PHACTR1: variants seen among roughly 807,000 people sequenced by gnomAD.
The protein encoded by PHACTR1 is phosphatase and actin regulator 1.
Under a neutral mutation model 69.2 loss-of-function variants are expected in PHACTR1, and 16 were observed. That is an observed-to-expected ratio of 0.23 (90% CI 0.16 to 0.35). PHACTR1 has a LOEUF of 0.35. Ranked by LOEUF, PHACTR1 falls within the 10% of genes least tolerant of loss-of-function variation. PHACTR1 has a pLI of 1.00. For missense variants in PHACTR1, 510 were observed against 734.7 expected (o/e 0.69, Z 3.54); for synonymous variants, 312 against 284.5 (o/e 1.10, Z -0.97).
intron 4 of PHACTR1, among the ~76,000 whole-genome samples, chr6:12,782,522 G>T (rs2127645880): frequency 6.6e-6 from 1 of 152,230 alleles, no homozygotes; most frequent in Non-Finnish European, 1.5e-5. Flanking sequence ...TAGAAATATT[G>T]GCTGGAAAAT....
chr6:12,975,447 T>G (rs1489326875), intron 4 of PHACTR1, among the ~76,000 whole-genome samples: 2 of 152,230 alleles, frequency 1.3e-5, no homozygotes, highest in Non-Finnish European at 2.9e-5. Context: ...TGAATTTTTT[T>G]CTCTATATCC....
At chr6:12,803,576 C>A (rs1581823519) in intron 4 of PHACTR1, among the ~76,000 whole-genome samples, 1 of 152,330 alleles carries the variant, frequency 6.6e-6, no homozygotes, top group Admixed American at 6.5e-5. Context: ...ATAAATAGGA[C>A]AAAGAAACAT....
chr6:13,233,521 A>G (rs12661071), intron 10 of PHACTR1, among the ~76,000 whole-genome samples: 18,166 of 152,206 alleles, frequency 0.12, 1,537 homozygotes, highest in Admixed American at 0.24. Context: ...GAAACTTACA[A>G]TCATGGCAGA....
intron 3 of PHACTR1, among the ~76,000 whole-genome samples, chr6:12,740,680 T>C (rs2127584445): frequency 6.6e-6 from 1 of 152,268 alleles, no homozygotes; most frequent in African/African-American, 2.4e-5. Flanking sequence ...CTTCTCCCAG[T>C]CTGTGGCCTG....
chr6:13,160,443 A>G (rs1758824284), intron 6 of PHACTR1, among the ~76,000 whole-genome samples, 159 bp downstream of exon 6: 1 of 152,234 alleles, frequency 6.6e-6, no homozygotes, highest in Non-Finnish European at 1.5e-5. Context: ...AACATAGCAG[A>G]CAGTGCTGAA....
chr6:12,943,193 AAAG>A (rs1186788976), intron 4 of PHACTR1, among the ~76,000 whole-genome samples: 2 of 152,212 alleles, frequency 1.3e-5, no homozygotes, highest in Non-Finnish European at 2.9e-5. Context: ...TCAGCCATAG[AAAG>A]AAAGAAAGTA....
intron 4 of PHACTR1, among the ~76,000 whole-genome samples, chr6:13,019,170 C>G (rs969467181): frequency 6.6e-6 from 1 of 151,892 alleles, no homozygotes; most frequent in Non-Finnish European, 1.5e-5. Flanking sequence ...ACCTCAGCCT[C>G]CCAAAGTGCT....
intron 10 of PHACTR1, among the ~76,000 whole-genome samples, chr6:13,256,449 G>T (rs183745752): frequency 6.6e-6 from 1 of 152,316 alleles, no homozygotes; most frequent in Non-Finnish European, 1.5e-5. Flanking sequence ...CCCTGAAAAT[G>T]GGCTTTTCTT....
chr6:12,857,884 G>A (rs1010108901), intron 4 of PHACTR1, among the ~76,000 whole-genome samples: 1 of 152,152 alleles, frequency 6.6e-6, no homozygotes, highest in Non-Finnish European at 1.5e-5. Context: ...GTAGTCACAA[G>A]ATCTGGGTTT....
At chr6:13,239,252 A>G (rs1772467898) in intron 10 of PHACTR1, among the ~76,000 whole-genome samples, 1 of 152,230 alleles carries the variant, frequency 6.6e-6, no homozygotes, top group Non-Finnish European at 1.5e-5. Flanking sequence ...GTGTGTTGGG[A>G]GCAAGTCAGG....
intron 4 of PHACTR1, among the ~76,000 whole-genome samples, chr6:13,032,632 T>C (rs1263543482): frequency 1.3e-5 from 2 of 152,156 alleles, no homozygotes; most frequent in African/African-American, 4.8e-5. Flanking sequence ...ATTTTTTTTT[T>C]TTTGACATGG....
intron 4 of PHACTR1, among the ~76,000 whole-genome samples, chr6:12,773,393 A>G (rs1248385988): frequency 1.3e-5 from 2 of 152,152 alleles, no homozygotes; most frequent in Non-Finnish European, 2.9e-5. Context: ...TATTTCCCCA[A>G]TTAACTTCCA....
chr6:13,009,262 A>C (rs1258510998), intron 4 of PHACTR1, among the ~76,000 whole-genome samples: 1 of 152,202 alleles, frequency 6.6e-6, no homozygotes, highest in East Asian at 1.9e-4. Context: ...CACATGTTCC[A>C]GGTGGGAGAG....
At chr6:12,744,675 T>C (rs1765542237) in intron 3 of PHACTR1, among the ~76,000 whole-genome samples, 1 of 152,154 alleles carries the variant, frequency 6.6e-6, no homozygotes, top group Non-Finnish European at 1.5e-5. Context: ...AGCAAGTTTA[T>C]TAAGAATCCA....
intron 5 of PHACTR1, among the ~76,000 whole-genome samples, chr6:13,130,072 A>G (rs1820171369): frequency 6.6e-6 from 1 of 152,182 alleles, no homozygotes; most frequent in Admixed American, 6.5e-5. Context: ...CAACAATGAA[A>G]TCAAGATGGA....
intron 4 of PHACTR1, among the ~76,000 whole-genome samples, chr6:12,927,947 C>T (rs1217827830): frequency 6.6e-5 from 10 of 152,202 alleles, no homozygotes; most frequent in East Asian, 5.8e-4. Flanking sequence ...GATTGCTGAC[C>T]GTGGGTGTCT....
chr6:12,718,875 C>T, intron 3 of PHACTR1, 28 bp downstream of exon 3: 1 of 1,415,938 alleles, frequency 7.1e-7, no homozygotes, highest in Non-Finnish European at 9.7e-7. Context: ...AGAAATTCCT[C>T]TTATTTGCAC....
intron 4 of PHACTR1, among the ~76,000 whole-genome samples, chr6:12,790,641 G>T (rs560000791): frequency 6.6e-6 from 1 of 152,346 alleles, no homozygotes; most frequent in East Asian, 1.9e-4. Context: ...GGTGAATGGA[G>T]AGAGACTGAT....
chr6:12,925,981 A>G (rs115227950), intron 4 of PHACTR1, among the ~76,000 whole-genome samples: 1,991 of 152,162 alleles, frequency 0.013, 48 homozygotes, highest in African/African-American at 0.045. Flanking sequence ...CTTCACTAAT[A>G]TCTCTGAAAA....
Sources: allele counts gnomAD v4.1 joint callset (sites outside exome capture counted in the v4.1 genomes callset), GRCh38; gene constraint gnomAD v4.1.1; transcripts MANE v1.5; gene names NCBI Gene and HGNC (gene_info 2026-07-23, HGNC 2026-07-21).